SLC27A5: variants seen among roughly 807,000 people sequenced by gnomAD.
SLC27A5 encodes solute carrier family 27 member 5.
Under a neutral mutation model 63.1 loss-of-function variants are expected in SLC27A5, and 47 were observed. The observed-to-expected ratio is 0.74, with a 90% confidence interval of 0.59 to 0.95. The LOEUF (loss-of-function observed/expected upper bound fraction) is 0.95, where lower values mean the gene tolerates loss of function less well. Among genes scored for constraint, SLC27A5 ranks in the 40% least tolerant of loss-of-function variants. The pLI, the probability that SLC27A5 is intolerant of heterozygous loss-of-function variation, is 0.00. For missense variants in SLC27A5, 940 were observed against 921.0 expected (o/e 1.02, Z -0.27); for synonymous variants, 391 against 403.8 (o/e 0.97, Z 0.38).
chr19:58,510,122 AAC>A lies in SLC27A5; in HGVS notation c.899-119_899-118del, dbSNP rs1022400251. 7 of 1,032,522 alleles carry A rather than the reference AAC, an allele frequency of 6.8e-6. No homozygotes were observed. In the African/African-American group the frequency reaches 1.1e-4, roughly 17 times the overall value. The allele number at this position is 1,032,522 out of a possible 1,614,324, so 64.0% of individuals were successfully genotyped here. On this transcript the variant is annotated intron_variant, in intron 2 of 9. Coordinates refer to ENST00000263093, the MANE Select transcript of SLC27A5 (RefSeq NM_012254.3). ...ACATTGGGGTTTGAGGCTCTCAGAG[AAC>A]AGTCAAGTATAGGGATTTGTGGTTG... is the stretch of plus-strand genomic sequence containing the variant.
intron 3 of SLC27A5, chr19:58,508,573 G>T (rs965151544): frequency 2.1e-5 from 3 of 144,080 alleles, no homozygotes; most frequent in Non-Finnish European, 4.6e-5. Flanking sequence ...AAAAAAAAAA[G>T]AACCTACATT....
In SLC27A5 at chr19:58,499,479, C is replaced by T; in HGVS notation, c.1667+13G>A. The T allele has an allele frequency of 3.1e-6, 5 of 1,612,426 alleles. No individual in the cohort carries two copies. Among genetic ancestry groups the T allele is most frequent in the Non-Finnish European group, 3.4e-6 (4 of 1,179,846 alleles). ...CCCGCGCCAGCCCCGCCCCGAGAAA[C>T]CCTGCCTCGGACCGGAAGGTGTCCC... On this transcript the variant is annotated intron_variant, in intron 7 of 9. Coordinates refer to ENST00000263093, the MANE Select transcript of SLC27A5 (RefSeq NM_012254.3).
In SLC27A5 at chr19:58,511,539, C is replaced by T. The variant is rs1003332000; in HGVS notation, c.417G>A (p.Gly139=). The stretch of plus-strand genomic sequence containing the variant: ...GCTCACCAAAGGTGACTGAGCCGGC[C>T]CCAGGCCCCGTCCACACCAAGAGTG... ...GRALLVWTGP[G]AGSVTFGELD... The change falls in exon 1 of 10, where the codon GGG becomes GGA. Residue 139 remains glycine, a synonymous_variant. Coordinates refer to ENST00000263093, the MANE Select transcript of SLC27A5 (RefSeq NM_012254.3). 7 of 1,565,452 alleles carry T rather than the reference C, an allele frequency of 4.5e-6. No homozygotes were observed. The highest frequency in any genetic ancestry group is 3.4e-4 in the Middle Eastern group (2 of 5,884).
intron 2 of SLC27A5, 78 bp from the exon 3 acceptor site, chr19:58,510,083 C>T (rs568101761): frequency 1.7e-5 from 24 of 1,443,722 alleles, no homozygotes; most frequent in Non-Finnish European, 2.2e-5. Flanking sequence ...GATAGATCTC[C>T]AACAGCCAGG....
chr19:58,510,114 T>G (rs1450311365), intron 2 of SLC27A5, 109 bp from the exon 3 acceptor site: 1 of 1,145,484 alleles, frequency 8.7e-7, no homozygotes, highest in Non-Finnish European at 1.2e-6. Flanking sequence ...GGTTTGAGGC[T>G]CTCAGAGAAC....
intron 3 of SLC27A5, among the ~76,000 whole-genome samples, chr19:58,506,253 C>A (rs1440809788): frequency 6.6e-6 from 1 of 150,578 alleles, no homozygotes; most frequent in Admixed American, 6.6e-5. Flanking sequence ...AACAAACAGA[C>A]GCCAGGCGCG....
At position 58,511,647 on chromosome 19, in the gene SLC27A5, C is replaced by T. The variant is rs956885811; in HGVS notation, c.309G>A (p.Lys103=). ...FLAKILHLGL[K]IRGCLSRQPP... is the part of the protein sequence containing the mutation. ...GCTGCCGGCTCAAGCATCCCCTGATCTTCAGGCCCAGGTGGAGGATCTTGG... is the reference window on the plus strand; with the variant it reads ...GCTGCCGGCTCAAGCATCCCCTGATTTTCAGGCCCAGGTGGAGGATCTTGG... The change falls in exon 1 of 10, where the codon AAG becomes AAA. Residue 103 remains lysine (K), a synonymous_variant. Coordinates refer to ENST00000263093, the MANE Select transcript of SLC27A5 (RefSeq NM_012254.3). 6.2e-7 allele frequency: 1 copy of T among 1,601,044 alleles called. No individual in the cohort carries two copies. Among genetic ancestry groups the T allele is most frequent in the East Asian group, 2.3e-5 (1 of 44,418 alleles).
intron 3 of SLC27A5, 48 bp downstream of exon 3, chr19:58,509,797 CTT>C: frequency 6.5e-7 from 1 of 1,544,736 alleles, no homozygotes. Context: ...CACGCCGACA[CTT>C]ACTCCCGTGG....
intron 3 of SLC27A5, among the ~76,000 whole-genome samples, chr19:58,506,385 A>G (rs1218890471): frequency 6.6e-6 from 1 of 152,162 alleles, no homozygotes; most frequent in East Asian, 1.9e-4. Context: ...GAATACAAAC[A>G]TTAGCCAGGT....
chr19:58,510,806 C>A lies in SLC27A5; in HGVS notation c.813G>T (p.Ala271=), dbSNP rs559467414. The change falls in exon 2 of 10, where the codon GCG becomes GCT. Residue 271 remains alanine, a synonymous_variant. Transcript: ENST00000263093. ...GGTCAGCAGGCACTGGGTGGGAGGG[C>A]GCTGCATCCAGGGCAGCCCCCAGAG... ...VGALGAALDA[A]PSHPVPADLR... is the part of the protein sequence containing the mutation. The A allele has an allele frequency of 2.2e-5, 35 of 1,613,328 alleles. 3 individuals carry two copies. In the Middle Eastern group the frequency reaches 8.4e-4, roughly 39 times the overall value.
intron 1 of SLC27A5, 74 bp downstream of exon 1, chr19:58,511,192 CAG>C: frequency 7.0e-7 from 1 of 1,425,846 alleles, no homozygotes; most frequent in Non-Finnish European, 9.3e-7. Flanking sequence ...GGGCCTCTGC[CAG>C]TCCCAGCAGA....
In SLC27A5 at chr19:58,499,194, T is replaced by A; in HGVS notation, c.1694A>T (p.His565Leu). ...FRWKGENVST[H>L]EVEGVLSQVD... Reference sequence around the variant, plus strand: ...CTGCGACAACACGCCCTCCACCTCGTGCGTGGACACGTTCTCGCCCTTCCA... The same window carrying A: ...CTGCGACAACACGCCCTCCACCTCGAGCGTGGACACGTTCTCGCCCTTCCA... The change falls in exon 8 of 10, where the codon CAC (histidine) becomes CTC (leucine). Residue 565 changes from histidine (H) to leucine (L), a missense_variant. By Grantham distance (99) the His-to-Leu change is moderately conservative. Coordinates refer to ENST00000263093, the MANE Select transcript of SLC27A5 (RefSeq NM_012254.3). 1 of 1,613,898 alleles carries A rather than the reference T, an allele frequency of 6.2e-7. No homozygotes were observed. Among genetic ancestry groups the A allele is most frequent in the Non-Finnish European group, 8.5e-7 (1 of 1,180,026 alleles).
chr19:58,500,170 G>A (rs780376699), intron 6 of SLC27A5, among the ~76,000 whole-genome samples, 169 bp downstream of exon 6: 3 of 151,952 alleles, frequency 2.0e-5, no homozygotes, highest in Non-Finnish European at 2.9e-5. Context: ...AAGCTGAGGC[G>A]GAGGCCCCAG....
intron 8 of SLC27A5, 40 bp from the exon 9 acceptor site, chr19:58,498,955 A>G (rs1356051327): frequency 1.3e-6 from 2 of 1,599,384 alleles, no homozygotes; most frequent in Non-Finnish European, 1.7e-6. Context: ...ACCCATCTCG[A>G]GGGCCCATAG....
At position 58,498,887 on chromosome 19, in the gene SLC27A5, A is replaced by C; in HGVS notation, c.1794T>G (p.Ala598=). ...AAGTCTGGCCGGGGGCTAGCTGCAC[A>C]GCAGCCATGCCCACCTTACCCTCAC... is the stretch of plus-strand genomic sequence containing the variant. The part of the protein sequence containing the change: ...PGCEGKVGMA[A]VQLAPGQTFD... Residue 598 remains alanine (A), a synonymous_variant, in exon 9 of 10, where the codon GCT becomes GCG. Coordinates refer to ENST00000263093, the MANE Select transcript of SLC27A5 (RefSeq NM_012254.3). The C allele has an allele frequency of 6.2e-7, 1 of 1,613,366 alleles. No homozygotes were observed. Among genetic ancestry groups the C allele is most frequent in the African/African-American group, 1.3e-5 (1 of 75,064 alleles).
At chr19:58,501,250 G>A (rs754707853) in intron 4 of SLC27A5, 36 bp downstream of exon 4, 38 of 1,602,170 alleles carry the variant, frequency 2.4e-5, no homozygotes, top group Non-Finnish European at 3.2e-5. Flanking sequence ...TTCATACTTG[G>A]GTGTTCACCA....
rs1306339463 is a variant in SLC27A5, at chr19:58,511,336, T to C, written c.620A>G (p.His207Arg). The C allele has an allele frequency of 3.1e-6, 5 of 1,599,086 alleles. No individual in the cohort carries two copies. Among genetic ancestry groups the C allele is most frequent in the Non-Finnish European group, 3.4e-6 (4 of 1,169,566 alleles). ...LGCPTAWINP[H>R]GRGMPLAHSV... The stretch of plus-strand genomic sequence containing the variant: ...GTGCGCCAGGGGCATCCCCCGGCCA[T>C]GCGGGTTGATCCAGGCTGTTGGGCA... Residue 207 changes from histidine (H) to arginine (R), a missense_variant, in exon 1 of 10, where the codon CAT becomes CGT. Coordinates refer to ENST00000263093, the MANE Select transcript of SLC27A5 (RefSeq NM_012254.3).
intron 3 of SLC27A5, among the ~76,000 whole-genome samples, chr19:58,502,060 C>A (rs1409235321): frequency 1.3e-5 from 2 of 152,210 alleles, no homozygotes; most frequent in East Asian, 3.8e-4. Flanking sequence ...CCCAGCTAAG[C>A]AGATGGGTGG....
intron 3 of SLC27A5, among the ~76,000 whole-genome samples, chr19:58,505,017 A>G (rs1176050698): frequency 6.6e-6 from 1 of 152,094 alleles, no homozygotes. Context: ...AAGAAAAAAA[A>G]AAAAAGAAAT....
Sources: gnomAD v4.1 joint callset for allele counts (sites outside exome capture counted in the v4.1 genomes callset) on GRCh38, gnomAD v4.1.1 for gene constraint, MANE v1.5 for transcripts, NCBI Gene and HGNC (gene_info 2026-07-23, HGNC 2026-07-21) for gene names.